RNF212: variants seen among roughly 807,000 people sequenced by gnomAD.
The protein encoded by RNF212 is probable E3 SUMO-protein ligase RNF212.
RNF212 carries 33 observed loss-of-function variants against 34.7 expected under a neutral mutation model. The observed-to-expected ratio is 0.95, with a 90% CI of 0.72 to 1.27. RNF212 has a LOEUF of 1.27. RNF212 is among the 50% of genes most tolerant of loss of function. The pLI is 0.00. For missense variants in RNF212, 377 were observed against 362.2 expected (o/e 1.04, Z -0.33); for synonymous variants, 140 against 136.1 (o/e 1.03, Z -0.20).
At chr4:1,092,892 C>T (rs373317673) in intron 3 of RNF212, among the ~76,000 whole-genome samples, 11 of 152,258 alleles carry the variant, frequency 7.2e-5, no homozygotes, top group African/African-American at 2.7e-4. Context: ...CTGCCTGGTC[C>T]GGAGCACACT....
At chr4:1,108,997 G>A (rs1158393900) in intron 1 of RNF212, among the ~76,000 whole-genome samples, 3 of 145,356 alleles carry the variant, frequency 2.1e-5, no homozygotes. Context: ...CACTGTGCCT[G>A]GCCATAATTA....
chr4:1,101,263 G>GCGA lies in RNF212; in HGVS notation c.172-4425_172-4424insTCG, dbSNP rs577476850. On this transcript the variant is annotated intron_variant, in intron 2 of 9. Coordinates refer to ENST00000433731, the MANE Select transcript of RNF212 (RefSeq NM_001131034.4). ...CTTCCTCTTCAAGTTATATCCTTCT[G>GCGA]GTCTTTTGTCCCTTTCACTGATTTT... The GCGA allele has an allele frequency of 1.5e-3, 484 of 333,284 alleles. 2 individuals are homozygous for GCGA. Among genetic ancestry groups the GCGA allele is most frequent in the African/African-American group, 9.2e-3 (419 of 45,756 alleles). The allele number at this position is 333,284 out of a possible 1,614,324, so 20.6% of individuals were successfully genotyped here. A position where few individuals can be genotyped will look rare whatever the true frequency, so the allele number is the denominator to read the frequency against.
At chr4:1,110,161 C>G (rs551242886) in intron 1 of RNF212, among the ~76,000 whole-genome samples, 5 of 152,148 alleles carry the variant, frequency 3.3e-5, no homozygotes, top group Admixed American at 3.3e-4. Flanking sequence ...CACGTGCGGC[C>G]AAAAGACAAA....
At chr4:1,066,083 C>G (rs1718076841) in intron 3 of RNF212, among the ~76,000 whole-genome samples, 1 of 144,594 alleles carries the variant, frequency 6.9e-6, no homozygotes, top group South Asian at 2.2e-4. Context: ...GAGATACTAT[C>G]TTGCTGTTTT....
chr4:1,079,833 G>C, intron 7 of RNF212, 145 bp from the exon 8 acceptor site: 2 of 679,518 alleles, frequency 2.9e-6, no homozygotes, highest in East Asian at 2.7e-5. Context: ...AGCCACTTAG[G>C]CATCTGATCA....
intron 3 of RNF212, among the ~76,000 whole-genome samples, chr4:1,092,333 G>T (rs531682645): frequency 5.3e-5 from 8 of 152,220 alleles, no homozygotes; most frequent in Non-Finnish European, 2.9e-5. Flanking sequence ...TCTCCAAGGG[G>T]ACCTGAGCAG....
intron 3 of RNF212, among the ~76,000 whole-genome samples, chr4:1,060,639 G>A (rs1369494123): frequency 1.3e-5 from 2 of 152,248 alleles, no homozygotes; most frequent in Non-Finnish European, 2.9e-5. Context: ...ATGTCCATTT[G>A]AAAAATTTAA....
At chr4:1,081,867 G>A in intron 5 of RNF212, 2 of 495,738 alleles carry the variant, frequency 4.0e-6, no homozygotes, top group South Asian at 4.4e-5. Flanking sequence ...TCTTACAACT[G>A]CAACTGTCAC....
intron 1 of RNF212, among the ~76,000 whole-genome samples, chr4:1,108,686 T>A (rs1560169041): frequency 1.3e-5 from 2 of 151,576 alleles, no homozygotes; most frequent in Non-Finnish European, 3.0e-5. Context: ...CAATTAGGCT[T>A]TTTTAAAATT....
chr4:1,077,279 T>C (rs6837145), intron 8 of RNF212, among the ~76,000 whole-genome samples: 121,428 of 152,220 alleles, frequency 0.8, 48,932 homozygotes, highest in African/African-American at 0.89. Flanking sequence ...AAAATGCCCA[T>C]GTCTGGTCTT....
intron 4 of RNF212, among the ~76,000 whole-genome samples, chr4:1,089,626 G>A (rs1402302435): frequency 1.3e-5 from 2 of 152,198 alleles, no homozygotes; most frequent in African/African-American, 4.8e-5. Context: ...GATGTGGTTT[G>A]GCTCTGTGTC....
downstream of RNF212, among the ~76,000 whole-genome samples, chr4:1,066,675 C>A (rs975987480): frequency 1.3e-5 from 2 of 152,148 alleles, no homozygotes; most frequent in African/African-American, 2.4e-5. Flanking sequence ...AGTTTTAGTT[C>A]TTTATGTATT....
At chr4:1,061,893 T>C (rs1490399342) in intron 3 of RNF212, among the ~76,000 whole-genome samples, 1 of 152,072 alleles carries the variant, frequency 6.6e-6, no homozygotes, top group Non-Finnish European at 1.5e-5. Flanking sequence ...CCCCAAATTA[T>C]GGGATAAGCA....
At chr4:1,093,327 T>C in intron 3 of RNF212, 2 of 1,008,374 alleles carry the variant, frequency 2.0e-6, no homozygotes, top group South Asian at 5.1e-5. Context: ...AAAGTATTTA[T>C]TAATTCATTT....
At chr4:1,089,214 G>A (rs1205632022) in intron 4 of RNF212, among the ~76,000 whole-genome samples, 1 of 152,238 alleles carries the variant, frequency 6.6e-6, no homozygotes, top group African/African-American at 2.4e-5. Context: ...CCACAGGGGT[G>A]GAGTTGCCCA....
chr4:1,085,610 G>A (rs915362934), intron 5 of RNF212: 8 of 522,690 alleles, frequency 1.5e-5, no homozygotes, highest in Non-Finnish European at 2.7e-5. Context: ...AGAGGCCGGG[G>A]GCACCTGCTG....
downstream of RNF212, among the ~76,000 whole-genome samples, chr4:1,067,191 C>T (rs1718146453): frequency 1.3e-5 from 2 of 152,100 alleles, no homozygotes; most frequent in African/African-American, 4.8e-5. Flanking sequence ...GAGGTTAGGG[C>T]TTCAACATAT....
chr4:1,105,325 C>A (rs932543807), intron 2 of RNF212, among the ~76,000 whole-genome samples: 2 of 152,226 alleles, frequency 1.3e-5, no homozygotes, highest in Non-Finnish European at 1.5e-5. Flanking sequence ...GGCCCAGCCA[C>A]CCACCACATC....
At chr4:1,102,679 C>T (rs868759170) in intron 2 of RNF212, among the ~76,000 whole-genome samples, 7 of 151,152 alleles carry the variant, frequency 4.6e-5, no homozygotes, top group East Asian at 1.9e-4. Flanking sequence ...GGTGAAACCC[C>T]GTCTCTACTA....
Sources: gnomAD v4.1 joint callset for allele counts (sites outside exome capture counted in the v4.1 genomes callset) on GRCh38, gnomAD v4.1.1 for gene constraint, MANE v1.5 for transcripts, NCBI Gene and HGNC (gene_info 2026-07-23, HGNC 2026-07-21) for gene names.